The following HMGCLL1 variants were observed in gnomAD, a reference collection of about 807,000 sequenced individuals.
HMGCLL1 encodes the protein 3-hydroxy-3-methylglutaryl-CoA lyase like 1, also known as 3-hydroxymethyl-3-methylglutaryl-CoA lyase, cytoplasmic.
A neutral mutation model predicts 39.1 loss-of-function variants in HMGCLL1; 36 were observed. The ratio of observed to expected loss-of-function variants is 0.92; its 90% confidence interval spans 0.71 to 1.22. The LOEUF is 1.22. Among genes scored for constraint, HMGCLL1 ranks in the 50% most tolerant of loss-of-function variants. The probability of loss-of-function intolerance (pLI) is 0.00; values close to 1 mark genes in which losing one functional copy is unlikely to be tolerated. For synonymous variants in HMGCLL1, 149 were observed against 144.0 expected (o/e 1.03, Z -0.25); for missense variants, 451 against 416.5 (o/e 1.08, Z -0.72).
chr6:55,653,551 A>G, the HMGCLL1 span, among the ~76,000 whole-genome samples: 3 of 152,000 alleles, frequency 2.0e-5, no homozygotes, highest in African/African-American at 7.2e-5. Flanking sequence ...GGAAAAATGT[A>G]TGATATCTAA....
intron 5 of HMGCLL1, chr6:55,512,854 T>C (rs1767534485): frequency 6.6e-6 from 1 of 152,098 alleles, no homozygotes; most frequent in Non-Finnish European, 1.5e-5. Context: ...CGCTATGCAC[T>C]TTAACTTGTT....
chr6:55,601,247 C>G, the HMGCLL1 span, among the ~76,000 whole-genome samples: 2 of 152,094 alleles, frequency 1.3e-5, no homozygotes, highest in South Asian at 4.2e-4. Context: ...CTTGGCTGGG[C>G]TTTTTCCAGC....
chr6:55,548,906 A>C (rs1249089207), intron 1 of HMGCLL1, among the ~76,000 whole-genome samples: 1 of 151,756 alleles, frequency 6.6e-6, no homozygotes, highest in Non-Finnish European at 1.5e-5. Context: ...AGAAATCAAG[A>C]ATAGGAATTT....
At chr6:55,621,840 C>T in the HMGCLL1 span, among the ~76,000 whole-genome samples, 21 of 152,030 alleles carry the variant, frequency 1.4e-4, no homozygotes, top group African/African-American at 4.6e-4. Context: ...TCAAGATATA[C>T]TAGCTGTCTG....
chr6:55,541,290 CA>C (rs937984697), intron 3 of HMGCLL1, among the ~76,000 whole-genome samples: 1 of 151,948 alleles, frequency 6.6e-6, no homozygotes, highest in Non-Finnish European at 1.5e-5. Flanking sequence ...ATACAAGTGT[CA>C]AAAAAAGCAA....
intron 7 of HMGCLL1, among the ~76,000 whole-genome samples, chr6:55,461,397 G>A (rs1482243807): frequency 6.6e-6 from 1 of 151,946 alleles, no homozygotes. Flanking sequence ...ATAATACTAT[G>A]TCCACCAAAT....
At chr6:55,505,903 C>T (rs1210655527) in intron 5 of HMGCLL1, among the ~76,000 whole-genome samples, 3 of 151,624 alleles carry the variant, frequency 2.0e-5, no homozygotes, top group South Asian at 2.1e-4. Context: ...AAAGTTGCCA[C>T]GTAAAATATT....
the HMGCLL1 span, among the ~76,000 whole-genome samples, chr6:55,656,587 G>A: frequency 2.6e-5 from 4 of 151,986 alleles, no homozygotes; most frequent in Admixed American, 6.6e-5. Flanking sequence ...TGGAAGACTC[G>A]GAGTCTCTGT....
chr6:55,543,596 A>C (rs9357867), intron 1 of HMGCLL1, among the ~76,000 whole-genome samples: 1 of 59,636 alleles, frequency 1.7e-5, no homozygotes, highest in African/African-American at 5.1e-5. Flanking sequence ...ATATATATAT[A>C]TTTTTTTGCC....
the HMGCLL1 span, among the ~76,000 whole-genome samples, chr6:55,625,877 G>C: frequency 6.6e-6 from 1 of 152,160 alleles, no homozygotes; most frequent in Non-Finnish European, 1.5e-5. Flanking sequence ...CGAAGGAAGA[G>C]TTTAATAATC....
At chr6:55,504,497 T>C (rs76551901) in intron 5 of HMGCLL1, among the ~76,000 whole-genome samples, 2 of 151,834 alleles carry the variant, frequency 1.3e-5, no homozygotes, top group African/African-American at 4.8e-5. Context: ...TTCATTTTCA[T>C]AGCCCACATG....
chr6:55,525,025 A>C (rs1581897608), intron 3 of HMGCLL1, among the ~76,000 whole-genome samples: 1 of 146,266 alleles, frequency 6.8e-6, no homozygotes, highest in Non-Finnish European at 1.5e-5. Flanking sequence ...AAAATGATCA[A>C]ACAGAGTAAA....
chr6:55,498,128 G>A (rs982758053), intron 6 of HMGCLL1, among the ~76,000 whole-genome samples: 3 of 152,134 alleles, frequency 2.0e-5, no homozygotes, highest in Admixed American at 2.0e-4. Context: ...AGGTGTGTGT[G>A]GTTCATTCCT....
At chr6:55,669,528 A>G in the HMGCLL1 span, among the ~76,000 whole-genome samples, 3 of 151,906 alleles carry the variant, frequency 2.0e-5, no homozygotes, top group African/African-American at 4.8e-5. Flanking sequence ...AATACAATCA[A>G]TAGACACCAA....
chr6:55,664,964 AT>A, the HMGCLL1 span, among the ~76,000 whole-genome samples: 1 of 151,758 alleles, frequency 6.6e-6, no homozygotes, highest in Non-Finnish European at 1.5e-5. Flanking sequence ...GACCAGGAAA[AT>A]TCATGGTCTC....
rs974026312 is a variant in HMGCLL1 at position 55,478,645 on chromosome 6, T to C, written c.795+16774A>G. 5.9e-5 allele frequency among the ~76,000 whole-genome samples: 9 copies of C among 151,594 alleles called. 1 individual carries two copies. The highest frequency in any genetic ancestry group is 1.9e-4 in the African/African-American group (8 of 41,116). On this transcript the variant is annotated intron_variant, in intron 7 of 8. Coordinates refer to ENST00000274901, the MANE Select transcript of HMGCLL1 (RefSeq NM_001042406.2). ...ATATGGATATGGATGAGTAGTCATG[T>C]AGATACCTAAAAATTTTTCATATAT...
intron 4 of HMGCLL1, among the ~76,000 whole-genome samples, chr6:55,515,969 A>G (rs1581885300): frequency 1.3e-5 from 2 of 152,062 alleles, no homozygotes; most frequent in Non-Finnish European, 2.9e-5. Flanking sequence ...TCTCATATGT[A>G]TAATTATTAA....
intron 3 of HMGCLL1, among the ~76,000 whole-genome samples, chr6:55,533,894 A>G (rs1399085273): frequency 6.7e-6 from 1 of 148,682 alleles, no homozygotes; most frequent in Non-Finnish European, 1.5e-5. Flanking sequence ...TCAAAAAAAA[A>G]AAAAAAGAAG....
At chr6:55,610,589 G>A in the HMGCLL1 span, among the ~76,000 whole-genome samples, 3 of 152,022 alleles carry the variant, frequency 2.0e-5, no homozygotes, top group African/African-American at 7.2e-5. Flanking sequence ...GAGGAGAATG[G>A]AACCAAGATA....
Sources: allele counts gnomAD v4.1 joint callset (sites outside exome capture counted in the v4.1 genomes callset), GRCh38; gene constraint gnomAD v4.1.1; transcripts MANE v1.5; gene names NCBI Gene and HGNC (gene_info 2026-07-23, HGNC 2026-07-21).